SUPT3H: variants seen among roughly 807,000 people sequenced by gnomAD.
The protein encoded by SUPT3H is transcription initiation protein SPT3 homolog.
A neutral mutation model predicts 44.3 loss-of-function variants in SUPT3H; 44 were observed. That is an observed-to-expected ratio of 0.99 (90% CI 0.78 to 1.28). The LOEUF (loss-of-function observed/expected upper bound fraction) is 1.28, where lower values mean the gene tolerates loss of function less well. SUPT3H is among the 50% of genes most tolerant of loss of function. SUPT3H has a pLI of 0.00. For missense variants in SUPT3H, 380 were observed against 387.1 expected (o/e 0.98, Z 0.15); for synonymous variants, 124 against 125.6 (o/e 0.99, Z 0.09).
At chr6:45,097,041 T>C (rs1176052781) in intron 3 of SUPT3H, among the ~76,000 whole-genome samples, 1 of 152,154 alleles carries the variant, frequency 6.6e-6, no homozygotes, top group Admixed American at 6.5e-5. Context: ...ATCAGTCTTG[T>C]GGAACTTGTT....
At chr6:44,926,026 T>A (rs1390049774) in intron 10 of SUPT3H, among the ~76,000 whole-genome samples, 1 of 152,084 alleles carries the variant, frequency 6.6e-6, no homozygotes, top group African/African-American at 2.4e-5. Context: ...TACAAAACAT[T>A]ATCAATAATT....
chr6:45,264,274 T>C (rs1007237941), intron 2 of SUPT3H, among the ~76,000 whole-genome samples: 7 of 152,186 alleles, frequency 4.6e-5, no homozygotes, highest in Non-Finnish European at 5.9e-5. Flanking sequence ...TCAGAAGAAG[T>C]ATTTTTATAT....
intron 6 of SUPT3H, among the ~76,000 whole-genome samples, chr6:44,977,394 T>C (rs915951662): frequency 1.3e-5 from 2 of 152,228 alleles, no homozygotes; most frequent in Admixed American, 6.5e-5. Flanking sequence ...GATAAGCTAT[T>C]ATTACATTTC....
intron 2 of SUPT3H, among the ~76,000 whole-genome samples, chr6:45,310,277 C>T (rs113051892): frequency 1.3e-4 from 20 of 152,116 alleles, no homozygotes; most frequent in East Asian, 1.9e-4. Context: ...CACAGCAAGA[C>T]GGCCCAAGTA....
At chr6:45,317,225 C>T (rs1208935048) in intron 2 of SUPT3H, among the ~76,000 whole-genome samples, 1 of 45,816 alleles carries the variant, frequency 2.2e-5, no homozygotes, top group South Asian at 9.9e-4. Context: ...AAGACTCTGT[C>T]TCAAAAAAAA....
At chr6:45,243,618 T>A (rs530297768) in intron 2 of SUPT3H, among the ~76,000 whole-genome samples, 37 of 152,202 alleles carry the variant, frequency 2.4e-4, no homozygotes, top group Non-Finnish European at 5.1e-4. Flanking sequence ...TATTTTGAGT[T>A]ACTTTATGCC....
rs58929603 is a variant in SUPT3H, at chr6:45,000,040, A to C, written c.504+3613T>G. On this transcript the variant is annotated intron_variant, in intron 6 of 10. Transcript: ENST00000371459. ...GGGCATAGTGTATACATGTATGTACATGAATTTGCATATGTAAATGTATAT... is the reference window on the plus strand; with the variant it reads ...GGGCATAGTGTATACATGTATGTACCTGAATTTGCATATGTAAATGTATAT... 3.9e-3 allele frequency among the ~76,000 whole-genome samples: 592 copies of C among 152,088 alleles called. 7 individuals carry two copies. The highest frequency in any genetic ancestry group is 0.014 in the African/African-American group (565 of 41,534).
chr6:45,069,895 T>C (rs562993200), intron 3 of SUPT3H, among the ~76,000 whole-genome samples: 1 of 152,164 alleles, frequency 6.6e-6, no homozygotes, highest in African/African-American at 2.4e-5. Flanking sequence ...CTTCCACTGA[T>C]ATAAATATGC....
At chr6:45,303,671 T>TAAAA (rs36119324) in intron 2 of SUPT3H, among the ~76,000 whole-genome samples, 13 of 112,970 alleles carry the variant, frequency 1.2e-4, no homozygotes, top group East Asian at 2.4e-4. Context: ...ATTCTAGAAG[T>TAAAA]AAAAAAAAAA....
intron 5 of SUPT3H, among the ~76,000 whole-genome samples, chr6:45,011,064 T>C (rs1783413537): frequency 1.3e-5 from 2 of 152,102 alleles, no homozygotes; most frequent in Admixed American, 6.6e-5. Flanking sequence ...CTATGACAAA[T>C]CCCATTTGGT....
chr6:44,862,724 T>A (rs1774863883), intron 10 of SUPT3H, among the ~76,000 whole-genome samples: 1 of 150,682 alleles, frequency 6.6e-6, no homozygotes, highest in Non-Finnish European at 1.5e-5. Context: ...AATGATAGAA[T>A]TCTATAGTTT....
intron 6 of SUPT3H, among the ~76,000 whole-genome samples, chr6:44,977,109 C>T (rs1262124072): frequency 6.6e-6 from 1 of 152,174 alleles, no homozygotes; most frequent in Non-Finnish European, 1.5e-5. Flanking sequence ...AGAAGGCAAG[C>T]CACAGAGGGT....
intron 2 of SUPT3H, among the ~76,000 whole-genome samples, chr6:45,285,456 A>T (rs1230854792): frequency 2.0e-5 from 3 of 152,158 alleles, no homozygotes; most frequent in Non-Finnish European, 2.9e-5. Flanking sequence ...ATAACAGACA[A>T]ACAGAGAGCC....
In SUPT3H at chr6:45,014,860, A is replaced by AC. The variant is rs1238519361; in HGVS notation, c.304_305insG (p.Phe102CysfsTer15). 1 of 1,590,628 alleles carries AC rather than the reference A, an allele frequency of 6.3e-7. No homozygotes were observed. Among genetic ancestry groups the AC allele is most frequent in the Non-Finnish European group, 8.5e-7 (1 of 1,170,252 alleles). On this transcript the variant is annotated frameshift_variant, in exon 5 of 11. Transcript: ENST00000371459. LOFTEE classifies it high-confidence loss of function. ...AATCTTTGATTTGTAGTCTCGGATAAACATGTATTTTAGCAGTCTTCTAAG... is the reference window on the plus strand; with the variant it reads ...AATCTTTGATTTGTAGTCTCGGATAACACATGTATTTTAGCAGTCTTCTAAG...
intron 4 of SUPT3H, among the ~76,000 whole-genome samples, chr6:45,019,752 T>A (rs1365497155): frequency 2.0e-5 from 3 of 151,972 alleles, no homozygotes; most frequent in Non-Finnish European, 4.4e-5. Context: ...AATCCTACAG[T>A]CTCTCCATCT....
chr6:45,149,748 T>C (rs191498173), intron 2 of SUPT3H, among the ~76,000 whole-genome samples: 8 of 152,252 alleles, frequency 5.3e-5, no homozygotes, highest in Admixed American at 3.9e-4. Context: ...GTTAACAATC[T>C]GGACAAAAAA....
intron 2 of SUPT3H, among the ~76,000 whole-genome samples, chr6:45,182,718 T>G (rs370557219): frequency 6.6e-6 from 1 of 152,248 alleles, no homozygotes; most frequent in Non-Finnish European, 1.5e-5. Context: ...GCTGTATTTC[T>G]TTTTTGGATG....
At chr6:45,036,442 T>A (rs1787689025) in intron 3 of SUPT3H, among the ~76,000 whole-genome samples, 1 of 152,012 alleles carries the variant, frequency 6.6e-6, no homozygotes, top group South Asian at 2.1e-4. Flanking sequence ...GTGGGGGACA[T>A]GTCATGTAAA....
chr6:44,928,882 C>CAAAATAAATAAAAAA (rs1491206167), intron 10 of SUPT3H, among the ~76,000 whole-genome samples: 2 of 20,640 alleles, frequency 9.7e-5, no homozygotes, highest in African/African-American at 6.3e-4. Flanking sequence ...GACTCCGTCT[C>CAAAATAAATAAAAAA]AAAAAAAAAA....
Sources: allele counts gnomAD v4.1 joint callset (sites outside exome capture counted in the v4.1 genomes callset), GRCh38; gene constraint gnomAD v4.1.1; transcripts MANE v1.5; gene names NCBI Gene and HGNC (gene_info 2026-07-23, HGNC 2026-07-21).